The following TTC23 variants were observed in gnomAD, a reference collection of about 807,000 sequenced individuals.
TTC23 encodes the protein tetratricopeptide repeat domain 23.
A neutral mutation model predicts 55.1 loss-of-function variants in TTC23; 58 were observed. That is an observed-to-expected ratio of 1.05 (90% confidence interval 0.85 to 1.31). TTC23 has a LOEUF of 1.31. Among genes scored for constraint, TTC23 ranks in the 50% most tolerant of loss-of-function variants. TTC23 has a pLI of 0.00. For synonymous variants in TTC23, 203 were observed against 199.9 expected (o/e 1.02, Z -0.13); for missense variants, 516 against 534.4 (o/e 0.97, Z 0.34).
chr15:99,214,983 G>A (rs1225428210), intron 8 of TTC23, among the ~76,000 whole-genome samples: 2 of 150,446 alleles, frequency 1.3e-5, no homozygotes, highest in East Asian at 4.0e-4. Flanking sequence ...AGCCTCCCGA[G>A]TAGCTGGGAT....
intron 9 of TTC23, among the ~76,000 whole-genome samples, chr15:99,178,432 AT>A (rs2073812555): frequency 6.6e-6 from 1 of 152,220 alleles, no homozygotes; most frequent in African/African-American, 2.4e-5. Context: ...CAAAATTAGC[AT>A]CTCATTTATT....
intron 10 of TTC23, among the ~76,000 whole-genome samples, chr15:99,172,293 A>G (rs958586575): frequency 6.6e-6 from 1 of 152,142 alleles, no homozygotes; most frequent in African/African-American, 2.4e-5. Context: ...GGCTCCTCAC[A>G]TATTTCAATT....
chr15:99,141,655 C>T (rs540816074), intron 12 of TTC23, among the ~76,000 whole-genome samples: 2 of 152,294 alleles, frequency 1.3e-5, no homozygotes, highest in East Asian at 3.9e-4. Context: ...CCTGTTTATT[C>T]ATTCTGATCT....
At chr15:99,204,588 A>T (rs1027825935) in intron 8 of TTC23, among the ~76,000 whole-genome samples, 2 of 138,482 alleles carry the variant, frequency 1.4e-5, no homozygotes, top group Non-Finnish European at 3.1e-5. Flanking sequence ...TGTTTTCTCA[A>T]TATTTTCTTC....
chr15:99,178,698 T>A (rs1331640439), intron 9 of TTC23, among the ~76,000 whole-genome samples: 1 of 152,218 alleles, frequency 6.6e-6, no homozygotes, highest in Non-Finnish European at 1.5e-5. Flanking sequence ...TATCTACCCT[T>A]ACTCTTGTCA....
intron 9 of TTC23, among the ~76,000 whole-genome samples, chr15:99,183,845 A>G (rs574942712): frequency 1.3e-5 from 2 of 152,212 alleles, no homozygotes; most frequent in Non-Finnish European, 2.9e-5. Flanking sequence ...GGCATGCCAG[A>G]GACCTTCACA....
In TTC23 at chr15:99,200,182, T is replaced by C. The variant is rs530845049; in HGVS notation, c.582-86A>G. On this transcript the variant is annotated intron_variant, in intron 8 of 13. Coordinates refer to ENST00000394132, the MANE Select transcript of TTC23 (RefSeq NM_001288615.3). ...GGTGAGCTGGTAGTTGGGATGTGACTCTTTGATCCCTGGTGTTCAGGTTCG... is the reference window on the plus strand; with the variant it reads ...GGTGAGCTGGTAGTTGGGATGTGACCCTTTGATCCCTGGTGTTCAGGTTCG... 1,835 of 1,223,862 alleles carry C rather than the reference T, an allele frequency of 1.5e-3. 5 individuals are homozygous for C. The highest frequency in any genetic ancestry group is 1.9e-3 in the Non-Finnish European group (1,741 of 916,492). 75.8% of individuals were successfully genotyped at this position (1,223,862 alleles called of 1,614,324 possible).
In TTC23 at chr15:99,228,539, A is replaced by T; in HGVS notation, c.174T>A (p.Ser58Arg). The T allele has an allele frequency of 6.2e-7, 1 of 1,609,364 alleles. No individual in the cohort carries two copies. Among genetic ancestry groups the T allele is most frequent in the Non-Finnish European group, 8.5e-7 (1 of 1,177,456 alleles). The part of the protein sequence containing the change: ...CEEKAKSYSN[S>R]HEYKQAVHEL... ...GAAACAAAAGTCTCCTTACCTCATG[A>T]CTGTTGGAATAGGACTTTGCTTTCT... The change falls in exon 5 of 14, where the codon AGT becomes AGA. Residue 58 changes from serine to arginine, a missense_variant. Physicochemically the swap from Ser to Arg is moderately radical, Grantham distance 110 (BLOSUM62 -1). Coordinates refer to ENST00000394132, the MANE Select transcript of TTC23 (RefSeq NM_001288615.3).
intron 12 of TTC23, among the ~76,000 whole-genome samples, chr15:99,143,468 G>A (rs1341544731): frequency 6.6e-6 from 1 of 152,180 alleles, no homozygotes; most frequent in Non-Finnish European, 1.5e-5. Context: ...CTTGACAGTA[G>A]AACATTCTCC....
chr15:99,250,602 G>A (rs555571924), upstream of TTC23, among the ~76,000 whole-genome samples: 46 of 152,212 alleles, frequency 3.0e-4, no homozygotes, highest in South Asian at 9.1e-3. Context: ...AAATGTTTCC[G>A]AACTATGCTT....
At chr15:99,152,008 T>C (rs1236230461) in intron 12 of TTC23, among the ~76,000 whole-genome samples, 1 of 152,106 alleles carries the variant, frequency 6.6e-6, no homozygotes, top group African/African-American at 2.4e-5. Context: ...CACCCCAATC[T>C]CATGTTGAAT....
chr15:99,181,122 G>C (rs533398962), intron 9 of TTC23, among the ~76,000 whole-genome samples: 1 of 152,326 alleles, frequency 6.6e-6, no homozygotes, highest in African/African-American at 2.4e-5. Context: ...AAGGTCACAT[G>C]GTGCGTCAGC....
At position 99,137,942 on chromosome 15, in the gene TTC23, A is replaced by C; in HGVS notation, c.*68T>G. 1 of 1,584,994 alleles carries C rather than the reference A, an allele frequency of 6.3e-7. No individual in the cohort carries two copies. The highest frequency in any genetic ancestry group is 8.6e-7 in the Non-Finnish European group (1 of 1,159,676). Reference sequence around the variant, plus strand: ...CTGTTGAATTCCATTTTCTAGGCGGAGGTGATTTGTACAGCACCCTAAATG... The same window carrying C: ...CTGTTGAATTCCATTTTCTAGGCGGCGGTGATTTGTACAGCACCCTAAATG... On this transcript the variant is annotated 3_prime_UTR_variant, in exon 14 of 14. Coordinates refer to ENST00000394132, the MANE Select transcript of TTC23 (RefSeq NM_001288615.3).
intron 4 of TTC23, among the ~76,000 whole-genome samples, chr15:99,232,594 T>A (rs1156892306): frequency 2.6e-5 from 4 of 152,116 alleles, no homozygotes; most frequent in Non-Finnish European, 5.9e-5. Flanking sequence ...ATGCAAATTA[T>A]ATCCATGAGA....
intron 4 of TTC23, among the ~76,000 whole-genome samples, chr15:99,232,069 G>A (rs2078979826): frequency 6.6e-6 from 1 of 151,902 alleles, no homozygotes; most frequent in Non-Finnish European, 1.5e-5. Context: ...TGGGATTACA[G>A]GCATGAGCCA....
At chr15:99,248,420 C>T (rs895765986) in intron 1 of TTC23, 2 of 152,140 alleles carry the variant, frequency 1.3e-5, no homozygotes, top group African/African-American at 2.4e-5. Flanking sequence ...AACCTTCTGC[C>T]GCAGTCAGAA....
rs1414247331 is a variant in TTC23 at position 99,136,668 on chromosome 15, G to C, written c.*1342C>G. ...CCAATACCATCCCTTTGGGGATTAG[G>C]GCTTCAACGTGAATTGGGAGCATAT... On this transcript the variant is annotated 3_prime_UTR_variant, in exon 14 of 14. Coordinates refer to ENST00000394132, the MANE Select transcript of TTC23 (RefSeq NM_001288615.3). The C allele has an allele frequency of 6.6e-6, 1 of 152,226 alleles. No homozygotes were observed. Among genetic ancestry groups the C allele is most frequent in the Non-Finnish European group, 1.5e-5 (1 of 68,068 alleles). 9.4% of individuals were successfully genotyped at this position (152,226 alleles called of 1,614,324 possible).
chr15:99,226,734 T>C (rs2078461132), intron 5 of TTC23, among the ~76,000 whole-genome samples: 1 of 152,170 alleles, frequency 6.6e-6, no homozygotes, highest in South Asian at 2.1e-4. Context: ...CCTCAGCTCC[T>C]CCACACTGGC....
At chr15:99,246,083 T>C (rs1274333572) in intron 1 of TTC23, among the ~76,000 whole-genome samples, 1 of 152,130 alleles carries the variant, frequency 6.6e-6, no homozygotes, top group Non-Finnish European at 1.5e-5. Context: ...ATACTGGGAT[T>C]ACAGGTGTGA....
Sources: allele counts gnomAD v4.1 joint callset (sites outside exome capture counted in the v4.1 genomes callset), GRCh38; gene constraint gnomAD v4.1.1; transcripts MANE v1.5; gene names NCBI Gene and HGNC (gene_info 2026-07-23, HGNC 2026-07-21).